PCDH15: variants seen among roughly 807,000 people sequenced by gnomAD.
PCDH15 encodes the protein protocadherin-15.
Under a neutral mutation model 178.5 loss-of-function variants are expected in PCDH15, and 129 were observed. The observed-to-expected ratio is 0.72, with a 90% CI of 0.63 to 0.84. The LOEUF (loss-of-function observed/expected upper bound fraction) is 0.84, where lower values mean the gene tolerates loss of function less well. Among genes scored for constraint, PCDH15 ranks in the 40% least tolerant of loss-of-function variants. The probability of loss-of-function intolerance (pLI) is 0.00; values close to 1 mark genes in which losing one functional copy is unlikely to be tolerated. For missense variants in PCDH15, 2,230 were observed against 2,099.9 expected, an observed-to-expected ratio of 1.06 and a Z score of -1.21; for synonymous variants, 800 against 732.0, an observed-to-expected ratio of 1.09 and a Z score of -1.50.
intron 2 of PCDH15, among the ~76,000 whole-genome samples, chr10:54,566,978 A>G (rs1015522151): frequency 6.6e-6 from 1 of 152,116 alleles, no homozygotes; most frequent in Non-Finnish European, 1.5e-5. Context: ...CTTGCTCCAC[A>G]TGTTCAACAG....
intron 3 of PCDH15, among the ~76,000 whole-genome samples, chr10:54,865,235 C>T (rs1303740688): frequency 6.6e-6 from 1 of 152,132 alleles, no homozygotes; most frequent in Non-Finnish European, 1.5e-5. Context: ...ACAAAGCAGG[C>T]AGAAGAAGGT....
intron 8 of PCDH15, among the ~76,000 whole-genome samples, chr10:54,296,144 CAAAAAA>C (rs59721161): frequency 2.9e-4 from 14 of 48,222 alleles, no homozygotes; most frequent in African/African-American, 4.8e-4. Context: ...GACTCCGTCT[CAAAAAA>C]AAAAAAAAAA....
At chr10:54,826,889 T>G (rs1211005712) in intron 3 of PCDH15, among the ~76,000 whole-genome samples, 1 of 152,242 alleles carries the variant, frequency 6.6e-6, no homozygotes, top group South Asian at 2.1e-4. Flanking sequence ...CTAACATACT[T>G]TTCTAGTGAA....
chr10:55,339,244 A>G lies in PCDH15; in HGVS notation c.-155-172593T>C, dbSNP rs76477528. Among the ~76,000 whole-genome samples, 784 of 152,178 alleles carry G rather than the reference A, an allele frequency of 5.2e-3. 10 individuals carry two copies. The highest frequency in any genetic ancestry group is 0.018 in the African/African-American group (738 of 41,520). ...TACTGTATGCCTGTATTAAAACATCACATGTGCCCAATAAATACATACAAC... is the reference window on the plus strand; with the variant it reads ...TACTGTATGCCTGTATTAAAACATCGCATGTGCCCAATAAATACATACAAC... On this transcript the variant is annotated intron_variant, in intron 2 of 5. Coordinates refer to the PCDH15 transcript ENST00000613346.
At chr10:55,459,798 G>A (rs1434310641) in intron 2 of PCDH15, among the ~76,000 whole-genome samples, 1 of 152,050 alleles carries the variant, frequency 6.6e-6, no homozygotes, top group Non-Finnish European at 1.5e-5. Flanking sequence ...GAAGACCTTA[G>A]CAGGTAGAAG....
intron 32 of PCDH15, among the ~76,000 whole-genome samples, chr10:53,820,548 T>A (rs1269122029): frequency 6.6e-6 from 1 of 152,040 alleles, no homozygotes; most frequent in East Asian, 1.9e-4. Context: ...CAAACTTATA[T>A]CTTCTAAAAT....
chr10:54,117,945 CCTAAATTCT>C (rs1198540247), intron 15 of PCDH15, among the ~76,000 whole-genome samples: 1 of 152,100 alleles, frequency 6.6e-6, no homozygotes, highest in Non-Finnish European at 1.5e-5. Context: ...AAAGCAGCAC[CCTAAATTCT>C]CATTCTGATC....
intron 10 of PCDH15, among the ~76,000 whole-genome samples, chr10:54,202,969 T>TGGCTAC (rs1324758749): frequency 6.6e-6 from 1 of 152,164 alleles, no homozygotes; most frequent in African/African-American, 2.4e-5. Flanking sequence ...ATTCTGGGTG[T>TGGCTAC]GGCTACTCAA....
chr10:54,884,072 T>G (rs1310975209), intron 3 of PCDH15, among the ~76,000 whole-genome samples: 1 of 152,028 alleles, frequency 6.6e-6, no homozygotes, highest in Non-Finnish European at 1.5e-5. Flanking sequence ...GAGATTTATG[T>G]TTTTATGTGG....
chr10:54,877,938 CTTTTTTTTTTTTTTTTTTTTTTT>C, intron 3 of PCDH15, among the ~76,000 whole-genome samples: 1 of 8,108 alleles, frequency 1.2e-4, no homozygotes, highest in African/African-American at 4.9e-4. Flanking sequence ...CTCTCTCTCT[CTTTTTTTTTTTTTTTTTTTTTTT>C]TTTTTTTTTT....
At chr10:55,134,623 T>A (rs1187218630) in intron 2 of PCDH15, among the ~76,000 whole-genome samples, 1 of 152,192 alleles carries the variant, frequency 6.6e-6, no homozygotes, top group East Asian at 1.9e-4. Context: ...TTCTGGTTTT[T>A]GTTGTCTTTT....
chr10:55,057,162 G>A (rs758220421), intron 2 of PCDH15, among the ~76,000 whole-genome samples: 6 of 152,050 alleles, frequency 3.9e-5, no homozygotes, highest in Non-Finnish European at 8.8e-5. Context: ...AGACTCCTGG[G>A]TCCAACCAAA....
In PCDH15 at chr10:55,228,804, C is replaced by A. The variant is rs140493958; in HGVS notation, c.-155-62153G>T. ...ACCAACATTTTAAACCTCTCCTGAT[C>A]TAGTGATCTTATTTCAGTTATATCT... On this transcript the variant is annotated intron_variant, in intron 1 of 5. Transcript: ENST00000458638. Among the ~76,000 whole-genome samples, 617 of 151,980 alleles carry A rather than the reference C, an allele frequency of 4.1e-3. 8 individuals carry two copies. The highest frequency in any genetic ancestry group is 0.014 in the African/African-American group (597 of 41,440).
At chr10:55,246,618 A>C (rs1479901091) in intron 1 of PCDH15, among the ~76,000 whole-genome samples, 9 of 152,222 alleles carry the variant, frequency 5.9e-5, no homozygotes, top group Non-Finnish European at 1.2e-4. Context: ...AGAAAAGAAA[A>C]TAGCATTTCA....
intron 2 of PCDH15, among the ~76,000 whole-genome samples, chr10:55,018,421 C>A (rs907048832): frequency 2.0e-5 from 3 of 152,060 alleles, no homozygotes; most frequent in Admixed American, 1.3e-4. Context: ...ATACCTAATA[C>A]AATGAAGACA....
chr10:54,257,939 T>C (rs901483755), intron 8 of PCDH15, among the ~76,000 whole-genome samples: 3 of 152,192 alleles, frequency 2.0e-5, no homozygotes, highest in African/African-American at 7.2e-5. Flanking sequence ...GTCCTCTGCA[T>C]GGGGCACGGC....
At chr10:54,040,679 T>C (rs185320133) in intron 18 of PCDH15, among the ~76,000 whole-genome samples, 1 of 152,106 alleles carries the variant, frequency 6.6e-6, no homozygotes, top group East Asian at 1.9e-4. Flanking sequence ...GGTACTTGTT[T>C]AGGAATATTT....
At chr10:55,195,733 CAAAT>C (rs1315590318) in intron 1 of PCDH15, among the ~76,000 whole-genome samples, 2 of 150,400 alleles carry the variant, frequency 1.3e-5, no homozygotes, top group Admixed American at 6.6e-5. Flanking sequence ...ATATAACTAT[CAAAT>C]AAAGTATTTC....
chr10:54,008,085 C>G (rs1376078119), intron 20 of PCDH15, among the ~76,000 whole-genome samples: 1 of 152,054 alleles, frequency 6.6e-6, no homozygotes, highest in Non-Finnish European at 1.5e-5. Context: ...CCTGAGTTAT[C>G]AGAAAAGAGG....
Sources: gnomAD v4.1 joint callset for allele counts (sites outside exome capture counted in the v4.1 genomes callset) on GRCh38, gnomAD v4.1.1 for gene constraint, MANE v1.5 for transcripts, NCBI Gene and HGNC (gene_info 2026-07-23, HGNC 2026-07-21) for gene names.